Variants in BCAR3 observed in about 807,000 individuals in gnomAD.
BCAR3 encodes the protein BCAR3 adaptor protein, NSP family member.
BCAR3 carries 37 observed loss-of-function variants against 80.1 expected under a neutral mutation model. That is an observed-to-expected ratio of 0.46 (90% CI 0.36 to 0.61). BCAR3 has a LOEUF of 0.61. Ranked by LOEUF, BCAR3 falls within the 20% of genes least tolerant of loss-of-function variation. The pLI, the probability that BCAR3 is intolerant of heterozygous loss-of-function variation, is 0.00. For missense variants in BCAR3, 978 were observed against 1,068.2 expected (o/e 0.92, Z 1.18); for synonymous variants, 389 against 418.9 (o/e 0.93, Z 0.87).
At chr1:93,720,459 G>C (rs1327131550) in intron 2 of BCAR3, among the ~76,000 whole-genome samples, 1 of 152,112 alleles carries the variant, frequency 6.6e-6, no homozygotes. Context: ...GCTGATACAG[G>C]GGCCTGCAGG....
In BCAR3 at chr1:93,592,573, T is replaced by A; in HGVS notation, c.358-180A>T. ...TTTCGTTTCTCCGGCCGCAACCATG[T>A]AATAAAATTTTCACCTGCACATGGG... On this transcript the variant is annotated intron_variant, in intron 3 of 11. Transcript: ENST00000260502. This position sits in a 1 kb window ranked among gnomAD's most constrained non-coding sequence, Gnocchi z 4.8. 3.8e-6 allele frequency: 3 copies of A among 792,950 alleles called. No homozygotes were observed. Among genetic ancestry groups the A allele is most frequent in the Non-Finnish European group, 5.6e-6 (3 of 532,148 alleles). The allele number at this position is 792,950 out of a possible 1,614,324, so 49.1% of individuals were successfully genotyped here.
intron 3 of BCAR3, among the ~76,000 whole-genome samples, chr1:93,641,701 A>C (rs1030007873): frequency 9.2e-5 from 14 of 152,196 alleles, no homozygotes; most frequent in African/African-American, 3.4e-4. Context: ...ACTTGGCCCC[A>C]GATTAGCCCT....
intron 2 of BCAR3, among the ~76,000 whole-genome samples, chr1:93,748,243 G>A (rs1651426020): frequency 1.3e-5 from 2 of 152,060 alleles, no homozygotes; most frequent in Non-Finnish European, 2.9e-5. Flanking sequence ...CACTGTTTGG[G>A]GCTAGCTTGC....
chr1:93,672,593 C>T (rs1026182533), intron 2 of BCAR3, among the ~76,000 whole-genome samples: 2 of 152,188 alleles, frequency 1.3e-5, no homozygotes, highest in Admixed American at 6.5e-5. Flanking sequence ...TGCATTCTTG[C>T]CCCTTAAGTG....
chr1:93,571,340 A>G (rs1673205791), intron 9 of BCAR3, among the ~76,000 whole-genome samples: 1 of 152,068 alleles, frequency 6.6e-6, no homozygotes, highest in Non-Finnish European at 1.5e-5. Flanking sequence ...TCCCTACTAA[A>G]AATACAAAAA....
intron 6 of BCAR3, among the ~76,000 whole-genome samples, 174 bp from the exon 7 acceptor site, chr1:93,583,127 T>C (rs1673787457): frequency 6.6e-6 from 1 of 152,164 alleles, no homozygotes; most frequent in Non-Finnish European, 1.5e-5. Context: ...TCAGGGAGTC[T>C]ACAGCATCGT....
At chr1:93,841,217 A>G (rs1024172195) in intron 2 of BCAR3, among the ~76,000 whole-genome samples, 1 of 152,172 alleles carries the variant, frequency 6.6e-6, no homozygotes, top group African/African-American at 2.4e-5. Context: ...TCTCAGCTGT[A>G]TCTCTTAAGT....
At chr1:93,568,080 G>A (rs1673033919) in intron 9 of BCAR3, 3 of 409,482 alleles carry the variant, frequency 7.3e-6, no homozygotes, top group South Asian at 7.2e-5. Flanking sequence ...CAGCTACTCG[G>A]GAGGTTGAGG....
intron 2 of BCAR3, among the ~76,000 whole-genome samples, chr1:93,766,717 T>A (rs1652164641): frequency 6.6e-6 from 1 of 152,252 alleles, no homozygotes; most frequent in South Asian, 2.1e-4. Context: ...TGTAATCTTG[T>A]CAGGATAAAC....
intron 3 of BCAR3, among the ~76,000 whole-genome samples, chr1:93,642,062 ACT>A (rs1453930081): frequency 6.6e-6 from 1 of 151,958 alleles, no homozygotes; most frequent in East Asian, 1.9e-4. Flanking sequence ...AAACAAACAA[ACT>A]CTGAATTTTA....
intron 2 of BCAR3, among the ~76,000 whole-genome samples, chr1:93,796,360 G>T (rs1461524714): frequency 1.4e-5 from 2 of 143,630 alleles, no homozygotes; most frequent in African/African-American, 5.6e-5. Flanking sequence ...GTCTCGTGGT[G>T]CGCCGTTTTT....
intron 2 of BCAR3, among the ~76,000 whole-genome samples, chr1:93,838,023 G>T (rs1407325203): frequency 6.6e-6 from 1 of 152,226 alleles, no homozygotes; most frequent in African/African-American, 2.4e-5. Flanking sequence ...GTTCGCCACA[G>T]GCTTAGAAAT....
rs1672987389 is a variant in BCAR3, at chr1:93,567,212, C to T, written c.2299+67G>A. On this transcript the variant is annotated intron_variant, in intron 11 of 11. Coordinates refer to ENST00000260502, the MANE Select transcript of BCAR3 (RefSeq NM_003567.4). Reference sequence around the variant, plus strand: ...CTTTTTCTAAGTGAAGTCAGCCATGCTCTTCCATTCCTTCATTTCAATTAC... The same window carrying T: ...CTTTTTCTAAGTGAAGTCAGCCATGTTCTTCCATTCCTTCATTTCAATTAC... 5 of 1,549,680 alleles carry T rather than the reference C, an allele frequency of 3.2e-6. No homozygotes were observed. In the African/African-American group the frequency reaches 5.5e-5, roughly 17 times the overall value.
chr1:93,701,418 G>A (rs1649637034), intron 3 of BCAR3, among the ~76,000 whole-genome samples: 1 of 152,250 alleles, frequency 6.6e-6, no homozygotes, highest in East Asian at 1.9e-4. Context: ...GGCTGGGGGA[G>A]GGCATTGATG....
intron 2 of BCAR3, among the ~76,000 whole-genome samples, chr1:93,780,185 T>A (rs997412479): frequency 1.5e-4 from 23 of 152,286 alleles, no homozygotes; most frequent in African/African-American, 5.5e-4. Context: ...TTTTCCCACA[T>A]CCTGTGGGGA....
intron 3 of BCAR3, among the ~76,000 whole-genome samples, chr1:93,603,780 G>A (rs1229995792): frequency 6.6e-6 from 1 of 152,214 alleles, no homozygotes; most frequent in Non-Finnish European, 1.5e-5. Flanking sequence ...CCGCAGCTGT[G>A]ATGGAAGGAG....
intron 3 of BCAR3, among the ~76,000 whole-genome samples, chr1:93,616,848 G>C (rs1420907067): frequency 1.3e-5 from 2 of 152,208 alleles, no homozygotes; most frequent in Admixed American, 1.3e-4. Flanking sequence ...AGGTCCTACA[G>C]GGTGAACTCC....
chr1:93,738,128 C>T (rs1651047060), intron 2 of BCAR3, among the ~76,000 whole-genome samples: 1 of 152,110 alleles, frequency 6.6e-6, no homozygotes, highest in African/African-American at 2.4e-5. Context: ...GCCACTGCAC[C>T]CAGCTCCTGG....
intron 2 of BCAR3, among the ~76,000 whole-genome samples, chr1:93,772,696 C>A (rs6674149): frequency 0.089 from 13,465 of 152,142 alleles, 696 homozygotes; most frequent in African/African-American, 0.13. Context: ...CCTGCACCTG[C>A]CGGGTTTAAG....
Sources: gnomAD v4.1 joint callset for allele counts (sites outside exome capture counted in the v4.1 genomes callset) on GRCh38, gnomAD v4.1.1 for gene constraint, Gnocchi (gnomAD v3.1) non-coding constraint, MANE v1.5 for transcripts, NCBI Gene and HGNC (gene_info 2026-07-23, HGNC 2026-07-21) for gene names.